Variants in BHMT2 observed in about 807,000 individuals in gnomAD.
BHMT2 encodes betaine--homocysteine S-methyltransferase 2, also known as S-methylmethionine--homocysteine S-methyltransferase BHMT2.
Under a neutral mutation model 39.0 loss-of-function variants are expected in BHMT2, and 28 were observed. The observed-to-expected ratio is 0.72, with a 90% CI of 0.53 to 0.98. The LOEUF (loss-of-function observed/expected upper bound fraction) is 0.98. Among genes scored for constraint, BHMT2 ranks in the 50% least tolerant of loss-of-function variants. BHMT2 has a pLI of 0.00. For synonymous variants in BHMT2, 145 were observed against 160.6 expected (o/e 0.90, Z 0.74); for missense variants, 410 against 455.6 (o/e 0.90, Z 0.91).
intron 7 of BHMT2, 125 bp downstream of exon 7, chr5:79,083,981 C>T (rs1755844731): frequency 2.2e-6 from 3 of 1,363,656 alleles, no homozygotes; most frequent in South Asian, 1.5e-5. Flanking sequence ...TAAAAATTAT[C>T]CCCTTCCTGA....
At chr5:79,078,084 TA>T (rs1377834006) in intron 2 of BHMT2, 4 of 152,486 alleles carry the variant, frequency 2.6e-5, no homozygotes, top group African/African-American at 9.7e-5. Flanking sequence ...AGAGTTTCCT[TA>T]AAACAGCAAA....
Position 79,089,600 on chromosome 5 carries a change from C to T in BHMT2, c.*1026C>T, listed in dbSNP as rs1033440692. ...TCCCCTTACTTAGCATTGTGTTAGACATACTAATAGGTGCACAGTGAAATA... is the reference window on the plus strand; with the variant it reads ...TCCCCTTACTTAGCATTGTGTTAGATATACTAATAGGTGCACAGTGAAATA... On this transcript the variant is annotated 3_prime_UTR_variant, in exon 8 of 8. Transcript: ENST00000255192. The T allele has an allele frequency of 1.3e-5, 2 of 152,168 alleles. No homozygotes were observed. Among genetic ancestry groups the T allele is most frequent in the Non-Finnish European group, 2.9e-5 (2 of 68,046 alleles). 9.4% of individuals were successfully genotyped at this position (152,168 alleles called of 1,614,324 possible). A position where few individuals can be genotyped will look rare whatever the true frequency, so the allele number is the denominator to read the frequency against.
chr5:79,083,505 G>C, intron 6 of BHMT2, 123 bp from the exon 7 acceptor site: 2 of 1,464,502 alleles, frequency 1.4e-6, no homozygotes, highest in Admixed American at 2.5e-5. Context: ...CCAAAAATGA[G>C]CTATCAGAAG....
intron 4 of BHMT2, 156 bp downstream of exon 4, chr5:79,081,034 A>T: frequency 9.2e-6 from 6 of 651,116 alleles, no homozygotes; most frequent in Non-Finnish European, 1.5e-5. Flanking sequence ...CAAGGCCAAC[A>T]TTCCCTCATT....
Position 79,089,913 on chromosome 5 carries a change from A to G in BHMT2, c.*1339A>G, listed in dbSNP as rs1755988949. On this transcript the variant is annotated 3_prime_UTR_variant, in exon 8 of 8. Transcript: ENST00000255192. ...AACCTGGGAGGCAGAGGTTGCAGTG[A>G]GCTGAGATCGCCCCACTGCAATCCA... is the stretch of plus-strand genomic sequence containing the variant. Among the ~76,000 whole-genome samples the G allele has an allele frequency of 6.6e-6, 1 of 152,236 alleles. No individual in the cohort carries two copies. Among genetic ancestry groups the G allele is most frequent in the Non-Finnish European group, 1.5e-5 (1 of 68,036 alleles).
rs61058144 is a variant in BHMT2, at chr5:79,083,241, G to A, written c.648G>A (p.Leu216=). Residue 216 remains leucine, a synonymous_variant, in exon 6 of 8, where the codon TTG becomes TTA. Coordinates refer to ENST00000255192, the MANE Select transcript of BHMT2 (RefSeq NM_017614.5). ...VNCRFGPDTS[L]KTMELMKEGL... is the part of the protein sequence containing the mutation. ...GCCGCTTTGGGCCCGACACCAGCTT[G>A]AAGACGATGGAGCTCATGAAGGAGG... The A allele has an allele frequency of 0.011, 17,313 of 1,614,190 alleles. 165 individuals are homozygous for A. Among genetic ancestry groups the A allele is most frequent in the African/African-American group, 0.05 (3,740 of 75,052 alleles).
At chr5:79,071,988 CG>C (rs71615503) in intron 1 of BHMT2, among the ~76,000 whole-genome samples, 1 of 151,900 alleles carries the variant, frequency 6.6e-6, no homozygotes, top group Non-Finnish European at 1.5e-5. Context: ...GCAAATTGGC[CG>C]GGCACAGTGG....
At chr5:79,073,734 T>C (rs777218424) in intron 1 of BHMT2, among the ~76,000 whole-genome samples, 5 of 152,240 alleles carry the variant, frequency 3.3e-5, no homozygotes, top group Admixed American at 6.5e-5. Context: ...ATAGTGTTTA[T>C]GTTTAACATA....
Position 79,088,564 on chromosome 5 carries a change from C to T in BHMT2, c.1082C>T (p.Pro361Leu), listed in dbSNP as rs1381382263. The T allele has an allele frequency of 6.2e-7, 1 of 1,613,922 alleles. No homozygotes were observed. The highest frequency in any genetic ancestry group is 8.5e-7 in the Non-Finnish European group (1 of 1,179,918). ...GRPFCPSLSKPDF is the reference protein window; with the variant it reads ...GRPFCPSLSKLDF Reference sequence around the variant, plus strand: ...CCTTTCTGTCCTTCGCTGTCAAAGCCAGACTTCTAAGGAGTAGTGAAAGAA... The same window carrying T: ...CCTTTCTGTCCTTCGCTGTCAAAGCTAGACTTCTAAGGAGTAGTGAAAGAA... Residue 361 changes from proline (P) to leucine (L), a missense_variant, in exon 8 of 8, where the codon CCA becomes CTA. By Grantham distance (98) the Pro-to-Leu change is moderately conservative. Transcript: ENST00000255192.
chr5:79,072,281 A>C (rs1755595059), intron 1 of BHMT2, among the ~76,000 whole-genome samples: 1 of 152,132 alleles, frequency 6.6e-6, no homozygotes, highest in Non-Finnish European at 1.5e-5. Flanking sequence ...AAAAAAAAGA[A>C]AGAAAAGAAA....
intron 7 of BHMT2, among the ~76,000 whole-genome samples, chr5:79,084,796 T>C (rs1045579926): frequency 2.0e-5 from 3 of 152,250 alleles, no homozygotes; most frequent in African/African-American, 7.2e-5. Context: ...TTATGAAAGC[T>C]GAGGGATTTA....
At chr5:79,074,489 T>G (rs1314220027) in intron 1 of BHMT2, among the ~76,000 whole-genome samples, 1 of 152,184 alleles carries the variant, frequency 6.6e-6, no homozygotes, top group Non-Finnish European at 1.5e-5. Context: ...AAGATCAAAT[T>G]AGCTTCCCTC....
Position 79,088,661 on chromosome 5 carries a change from C to A in BHMT2, c.*87C>A. 2 of 1,022,870 alleles carry A rather than the reference C, an allele frequency of 2.0e-6. No homozygotes were observed. The highest frequency in any genetic ancestry group is 3.0e-6 in the Non-Finnish European group (2 of 671,060). 63.4% of individuals were successfully genotyped at this position (1,022,870 alleles called of 1,614,324 possible). On this transcript the variant is annotated 3_prime_UTR_variant, in exon 8 of 8. Transcript: ENST00000255192. Reference sequence around the variant, plus strand: ...TGGAACCGTTCCTCACCTTCATCCTCACCATGCCCTGCTATCTCCAGCTGC... The same window carrying A: ...TGGAACCGTTCCTCACCTTCATCCTAACCATGCCCTGCTATCTCCAGCTGC...
At chr5:79,087,870 A>G (rs1247639413) in intron 7 of BHMT2, among the ~76,000 whole-genome samples, 3 of 152,224 alleles carry the variant, frequency 2.0e-5, no homozygotes, top group Non-Finnish European at 4.4e-5. Context: ...CAGAATAAAT[A>G]TAATTCATAA....
rs567806868 is a variant in BHMT2 at position 79,088,687 on chromosome 5, T to C, written c.*113T>C. ...ACCATGCCCTGCTATCTCCAGCTGC[T>C]GAGCAGCTGAGGTGCTGCAGCCCCT... On this transcript the variant is annotated 3_prime_UTR_variant, in exon 8 of 8. Transcript: ENST00000255192. 27 of 776,174 alleles carry C rather than the reference T, an allele frequency of 3.5e-5. No homozygotes were observed. In the African/African-American group the frequency reaches 4.7e-4, roughly 13 times the overall value. 48.1% of individuals were successfully genotyped at this position (776,174 alleles called of 1,614,324 possible).
chr5:79,083,106 G>A (rs996123966), intron 5 of BHMT2, 86 bp from the exon 6 acceptor site: 2 of 1,581,570 alleles, frequency 1.3e-6, no homozygotes, highest in Non-Finnish European at 8.6e-7. Flanking sequence ...GGAGGGGAAT[G>A]GCTAACCTCT....
At chr5:79,082,419 T>C (rs1276263976) in intron 4 of BHMT2, 1 of 171,964 alleles carries the variant, frequency 5.8e-6, no homozygotes, top group East Asian at 1.7e-4. Context: ...CTACTCATTG[T>C]TTCAGAGATT....
intron 3 of BHMT2, among the ~76,000 whole-genome samples, chr5:79,080,112 G>A (rs1470415636): frequency 6.6e-6 from 1 of 152,170 alleles, no homozygotes; most frequent in African/African-American, 2.4e-5. Flanking sequence ...CAATACTGGA[G>A]TAGAAATGAG....
chr5:79,088,476 TATATATTG>T lies in BHMT2; in HGVS notation c.1011-15_1011-8del. On this transcript the variant is annotated splice_polypyrimidine_tract_variant and intron_variant, in intron 7 of 7. Transcript: ENST00000255192. Reference sequence around the variant, plus strand: ...TAAGACTTTTAATTAATTAATTATGTATATATTGAAACACAGGGCTCGAAGGGAGTATT... The same window carrying T: ...TAAGACTTTTAATTAATTAATTATGTAAACACAGGGCTCGAAGGGAGTATT... The T allele has an allele frequency of 6.2e-7, 1 of 1,605,714 alleles. No individual in the cohort carries two copies. The highest frequency in any genetic ancestry group is 8.5e-7 in the Non-Finnish European group (1 of 1,173,858).
Sources: allele counts gnomAD v4.1 joint callset (sites outside exome capture counted in the v4.1 genomes callset), GRCh38; gene constraint gnomAD v4.1.1; transcripts MANE v1.5; gene names NCBI Gene and HGNC (gene_info 2026-07-23, HGNC 2026-07-21).